The following TPD52 variants were observed in gnomAD, a reference collection of about 807,000 sequenced individuals.
TPD52 encodes tumor protein D52.
A neutral mutation model predicts 31.3 loss-of-function variants in TPD52; 17 were observed. The ratio of observed to expected loss-of-function variants is 0.54; its 90% confidence interval spans 0.37 to 0.82. The LOEUF is 0.82. Ranked by LOEUF, TPD52 falls within the 40% of genes least tolerant of loss-of-function variation. The pLI is 0.00. For synonymous variants in TPD52, 83 were observed against 89.6 expected (o/e 0.93, Z 0.42); for missense variants, 212 against 240.1 (o/e 0.88, Z 0.77).
intron 1 of TPD52, among the ~76,000 whole-genome samples, chr8:80,154,739 AC>A (rs58940860): frequency 0.057 from 7,831 of 137,780 alleles, 394 homozygotes; most frequent in East Asian, 0.17. Flanking sequence ...ACACACACAC[AC>A]ACACACACAC....
At chr8:80,091,502 A>G (rs1816271647) in intron 1 of TPD52, among the ~76,000 whole-genome samples, 1 of 151,548 alleles carries the variant, frequency 6.6e-6, no homozygotes, top group Non-Finnish European at 1.5e-5. Context: ...GAGCATTACT[A>G]TTTTCACTTC....
rs146024001 is a variant in TPD52 at position 80,072,317 on chromosome 8, ATGTGTG to A, written c.20-7730_20-7725del. 8.8e-4 allele frequency among the ~76,000 whole-genome samples: 107 copies of A among 121,348 alleles called. 3 individuals are homozygous for A. The East Asian group carries it at 9.4e-3, about 11-fold the overall frequency. 79.6% of individuals were successfully genotyped at this position (121,348 alleles called of 152,430 possible). ...GAGAGACTCCATCTAAAAAACATAT[ATGTGTG>A]TGTGTGTGTGTGTGTGTGTGTGTGT... is the stretch of plus-strand genomic sequence containing the variant. On this transcript the variant is annotated intron_variant, in intron 1 of 7. Transcript: ENST00000518937.
chr8:80,080,453 T>A (rs1294691664), intron 1 of TPD52: 1 of 1,613,922 alleles, frequency 6.2e-7, no homozygotes, highest in East Asian at 2.2e-5. Flanking sequence ...CTACAATCCA[T>A]TCCAGACAAA....
chr8:80,088,724 A>G (rs1261964788), intron 1 of TPD52, among the ~76,000 whole-genome samples: 1 of 152,274 alleles, frequency 6.6e-6, no homozygotes, highest in East Asian at 1.9e-4. Flanking sequence ...TGGGGTCTTT[A>G]GGAGGTAATT....
intron 1 of TPD52, among the ~76,000 whole-genome samples, chr8:80,070,152 A>G (rs924700063): frequency 2.0e-5 from 3 of 152,148 alleles, no homozygotes; most frequent in Non-Finnish European, 2.9e-5. Flanking sequence ...ACCTACACTT[A>G]AGCCAAAAAT....
intron 1 of TPD52, among the ~76,000 whole-genome samples, chr8:80,108,014 C>T (rs1807251119): frequency 1.3e-5 from 2 of 152,078 alleles, no homozygotes; most frequent in Middle Eastern, 3.2e-3. Context: ...GTGATACCTG[C>T]CTGATTTGTC....
chr8:80,164,073 G>GA (rs1472040895), intron 1 of TPD52, among the ~76,000 whole-genome samples: 4 of 147,138 alleles, frequency 2.7e-5, no homozygotes, highest in Non-Finnish European at 6.1e-5. Context: ...ACAGAAAGGG[G>GA]AAAGGGGGGA....
At chr8:80,110,248 G>A (rs978548583) in intron 1 of TPD52, among the ~76,000 whole-genome samples, 1 of 151,990 alleles carries the variant, frequency 6.6e-6, no homozygotes, top group Admixed American at 6.6e-5. Context: ...TTATCCTCCT[G>A]GTAGTCATCA....
chr8:80,040,361 A>G (rs752798750), intron 7 of TPD52, among the ~76,000 whole-genome samples: 2 of 150,990 alleles, frequency 1.3e-5, no homozygotes, highest in East Asian at 2.0e-4. Flanking sequence ...TAATTTTTCT[A>G]TCGTTTTTGG....
chr8:80,140,108 G>A (rs1225432469), intron 1 of TPD52, among the ~76,000 whole-genome samples: 1 of 152,186 alleles, frequency 6.6e-6, no homozygotes, highest in Non-Finnish European at 1.5e-5. Flanking sequence ...ACACACAGAC[G>A]CTGGTTCGAT....
At chr8:80,130,545 C>A (rs1443914798) in intron 1 of TPD52, among the ~76,000 whole-genome samples, 3 of 152,154 alleles carry the variant, frequency 2.0e-5, no homozygotes, top group Admixed American at 6.5e-5. Flanking sequence ...CCAGAGCACT[C>A]TTCTTGCCCA....
chr8:80,131,626 A>G (rs143102502), intron 1 of TPD52, among the ~76,000 whole-genome samples: 2 of 152,236 alleles, frequency 1.3e-5, no homozygotes, highest in East Asian at 1.9e-4. Context: ...TCTACCCTTC[A>G]TTCCATTCCA....
Position 80,038,192 on chromosome 8 carries a change from TCTC to T in TPD52, c.545_547del (p.Gly182del), listed in dbSNP as rs1810045372. 3 of 1,613,880 alleles carry T rather than the reference TCTC, an allele frequency of 1.9e-6. No homozygotes were observed. Among genetic ancestry groups the T allele is most frequent in the Non-Finnish European group, 2.5e-6 (3 of 1,179,964 alleles). ...AGCATTTGCAGCCGAATTCAAGACT[TCTC>T]CAAAATCACCACCAGCAGGCTTGGT... On this transcript the variant is annotated inframe_deletion, in exon 8 of 8. Coordinates refer to ENST00000518937, the MANE Select transcript of TPD52 (RefSeq NM_001025253.3).
At chr8:80,078,706 A>G (rs1314960665) in intron 1 of TPD52, among the ~76,000 whole-genome samples, 1 of 152,124 alleles carries the variant, frequency 6.6e-6, no homozygotes, top group Non-Finnish European at 1.5e-5. Flanking sequence ...ACCTAGCTAC[A>G]TGAGTTTGTT....
chr8:80,046,482 T>C (rs1810861101), intron 5 of TPD52, among the ~76,000 whole-genome samples: 1 of 152,166 alleles, frequency 6.6e-6, no homozygotes, highest in African/African-American at 2.4e-5. Flanking sequence ...ATTTCTGGCT[T>C]CTCTATGGCA....
intron 1 of TPD52, chr8:80,170,996 T>C (rs75062672): frequency 0.018 from 7,031 of 400,008 alleles, 90 homozygotes; most frequent in Non-Finnish European, 0.024. Context: ...AGTCTTAATT[T>C]ATGAGGGAGA....
intron 1 of TPD52, among the ~76,000 whole-genome samples, chr8:80,085,471 A>G (rs1340267027): frequency 6.6e-6 from 1 of 152,228 alleles, no homozygotes; most frequent in South Asian, 2.1e-4. Flanking sequence ...CTTGGAGGGC[A>G]CGTCAAAGGG....
intron 1 of TPD52, among the ~76,000 whole-genome samples, chr8:80,164,659 A>G (rs1167127702): frequency 1.3e-5 from 2 of 152,182 alleles, no homozygotes; most frequent in African/African-American, 2.4e-5. Flanking sequence ...CCAGGTGGGC[A>G]GATCACTTGA....
downstream of TPD52, among the ~76,000 whole-genome samples, chr8:80,031,371 C>T (rs1809689130): frequency 6.6e-6 from 1 of 152,204 alleles, no homozygotes; most frequent in Non-Finnish European, 1.5e-5. Context: ...TACTAGCTAA[C>T]TGTATGGTAG....
Sources: allele counts gnomAD v4.1 joint callset (sites outside exome capture counted in the v4.1 genomes callset), GRCh38; gene constraint gnomAD v4.1.1; transcripts MANE v1.5; gene names NCBI Gene and HGNC (gene_info 2026-07-23, HGNC 2026-07-21).